GOSR2: variants seen among roughly 807,000 people sequenced by gnomAD.
GOSR2 encodes the protein 27 kDa Golgi SNARE protein.
A neutral mutation model predicts 27.9 loss-of-function variants in GOSR2; 20 were observed. That is an observed-to-expected ratio of 0.72 (90% confidence interval 0.50 to 1.04). The LOEUF is 1.04. Ranked by LOEUF, GOSR2 falls within the 50% of genes least tolerant of loss-of-function variation. The probability of loss-of-function intolerance (pLI) is 0.00; values close to 1 mark genes in which losing one functional copy is unlikely to be tolerated. For synonymous variants in GOSR2, 91 were observed against 98.8 expected, an observed-to-expected ratio of 0.92 and a Z score of 0.47; for missense variants, 261 against 270.5, an observed-to-expected ratio of 0.97 and a Z score of 0.25.
downstream of GOSR2, among the ~76,000 whole-genome samples, chr17:46,946,679 A>G (rs1421886352): frequency 6.6e-6 from 1 of 152,120 alleles, no homozygotes; most frequent in Non-Finnish European, 1.5e-5. Flanking sequence ...CCTGGCCAAC[A>G]TGGTGAAACC....
chr17:46,941,229 T>G lies in GOSR2; in HGVS notation c.*2469T>G. 1 of 995,944 alleles carries G rather than the reference T, an allele frequency of 1.0e-6. No homozygotes were observed. The highest frequency in any genetic ancestry group is 1.2e-6 in the Non-Finnish European group (1 of 834,922). 61.7% of individuals were successfully genotyped at this position (995,944 alleles called of 1,614,324 possible). A position where few individuals can be genotyped will look rare whatever the true frequency, so the allele number is the denominator to read the frequency against. ...GTAAGTTAGAGGAGTCTTGATTTTT[T>G]AGACTTCACTGCGGAGTTCTGTACA... is the stretch of plus-strand genomic sequence containing the variant. On this transcript the variant is annotated 3_prime_UTR_variant, in exon 6 of 6. Coordinates refer to ENST00000640051, the MANE Select transcript of GOSR2 (RefSeq NM_004287.5).
At position 46,938,849 on chromosome 17, in the gene GOSR2, T is replaced by G; in HGVS notation, c.*89T>G. 6.3e-7 allele frequency: 1 copy of G among 1,597,092 alleles called. No individual in the cohort carries two copies. The highest frequency in any genetic ancestry group is 8.5e-7 in the Non-Finnish European group (1 of 1,174,474). ...AGAGAGGGGGGCCCAGAGGCCGCCT[T>G]TTGAAATGTTTGCCTGTCTGAACTG... On this transcript the variant is annotated 3_prime_UTR_variant, in exon 6 of 6. Coordinates refer to ENST00000640051, the MANE Select transcript of GOSR2 (RefSeq NM_004287.5).
intron 6 of GOSR2, among the ~76,000 whole-genome samples, chr17:46,974,747 A>C (rs56037635): frequency 2.2e-5 from 1 of 45,164 alleles, no homozygotes; most frequent in African/African-American, 5.3e-5. Flanking sequence ...AAAAAAAAAA[A>C]AAGGTCATCT....
At position 46,940,862 on chromosome 17, in the gene GOSR2, G is replaced by T; in HGVS notation, c.*2102G>T. 7.0e-7 allele frequency: 1 copy of T among 1,427,776 alleles called. No individual in the cohort carries two copies. The highest frequency in any genetic ancestry group is 9.1e-7 in the Non-Finnish European group (1 of 1,093,214). 88.4% of individuals were successfully genotyped at this position (1,427,776 alleles called of 1,614,324 possible). On this transcript the variant is annotated 3_prime_UTR_variant, in exon 6 of 6. Coordinates refer to ENST00000640051, the MANE Select transcript of GOSR2 (RefSeq NM_004287.5). Reference sequence around the variant, plus strand: ...GTGTGTCTGGACACCCAGGGGCATTGAGACTGCATGTTGTCACATGACCAC... The same window carrying T: ...GTGTGTCTGGACACCCAGGGGCATTTAGACTGCATGTTGTCACATGACCAC...
chr17:46,928,731 A>G (rs770600995), intron 1 of GOSR2, among the ~76,000 whole-genome samples: 11 of 152,166 alleles, frequency 7.2e-5, no homozygotes, highest in Non-Finnish European at 1.6e-4. Flanking sequence ...TCACTTCAGC[A>G]TCCTCTCCCC....
downstream of GOSR2, among the ~76,000 whole-genome samples, chr17:46,945,562 A>G (rs754518546): frequency 1.2e-4 from 18 of 152,162 alleles, no homozygotes; most frequent in Non-Finnish European, 2.2e-4. Flanking sequence ...ACAGAATTGC[A>G]TCTTTGCTGG....
intron 6 of GOSR2, chr17:46,955,411 G>A (rs534413085): frequency 2.6e-5 from 4 of 150,982 alleles, no homozygotes; most frequent in South Asian, 4.2e-4. Context: ...TGCTGGATTC[G>A]GTTTGCCAGT....
intron 1 of GOSR2, among the ~76,000 whole-genome samples, chr17:46,924,091 C>T (rs984779988): frequency 2.6e-5 from 4 of 152,184 alleles, no homozygotes; most frequent in Non-Finnish European, 4.4e-5. Flanking sequence ...ACTTTTTCAT[C>T]ATCCCAGTGT....
chr17:46,955,868 C>T (rs2090672811), intron 6 of GOSR2, among the ~76,000 whole-genome samples: 1 of 152,208 alleles, frequency 6.6e-6, no homozygotes, highest in African/African-American at 2.4e-5. Context: ...ACCCTACCAA[C>T]TGACTCTCCT....
chr17:46,957,236 TG>T (rs1219430515), intron 6 of GOSR2, among the ~76,000 whole-genome samples: 1 of 151,022 alleles, frequency 6.6e-6, no homozygotes, highest in African/African-American at 2.4e-5. Flanking sequence ...GCCCAGGAGG[TG>T]GAGGTTGCAG....
Position 46,940,436 on chromosome 17 carries a change from C to T in GOSR2, c.*1676C>T. ...CTAGATCTGTCTAACTCTGGGGAGG[C>T]ACATTGACATTTCCATTACACACAG... On this transcript the variant is annotated 3_prime_UTR_variant, in exon 6 of 6. Coordinates refer to ENST00000640051, the MANE Select transcript of GOSR2 (RefSeq NM_004287.5). 4.4e-6 allele frequency: 7 copies of T among 1,603,074 alleles called. No homozygotes were observed. The highest frequency in any genetic ancestry group is 5.9e-6 in the Non-Finnish European group (7 of 1,178,300).
In GOSR2 at chr17:46,931,172, C is replaced by G; in HGVS notation, c.168C>G (p.Ser56Arg). The G allele has an allele frequency of 1.2e-6, 2 of 1,604,768 alleles. No individual in the cohort carries two copies. The highest frequency in any genetic ancestry group is 1.7e-6 in the Non-Finnish European group (2 of 1,171,380). The change falls in exon 3 of 6, where the codon AGC becomes AGG. Residue 56 changes from serine (S) to arginine (R), a missense_variant. Coordinates refer to ENST00000640051, the MANE Select transcript of GOSR2 (RefSeq NM_004287.5). ...SRLERLEILS[S>R]KEPPNKRQNA... ...TAGAACGTCTGGAGATTTTGTCCAG[C>G]AAGGAGCCCCCTAACAAAAGGCAAA... is the stretch of plus-strand genomic sequence containing the variant.
chr17:46,929,678 A>G, intron 2 of GOSR2, 94 bp downstream of exon 2: 4 of 749,392 alleles, frequency 5.3e-6, no homozygotes, highest in Non-Finnish European at 9.8e-6. Context: ...TGGGGGCTTA[A>G]TGATTCAGCG....
intron 1 of GOSR2, among the ~76,000 whole-genome samples, chr17:46,927,087 G>T (rs771801017): frequency 3.2e-4 from 48 of 152,242 alleles, no homozygotes; most frequent in Non-Finnish European, 5.7e-4. Flanking sequence ...TAAAATATTT[G>T]TCAGTTTGAT....
chr17:46,965,532 C>A (rs1015301352), intron 6 of GOSR2, among the ~76,000 whole-genome samples: 1 of 152,180 alleles, frequency 6.6e-6, no homozygotes, highest in African/African-American at 2.4e-5. Context: ...TCCCCCTCAA[C>A]GTGACCTAAT....
In GOSR2 at chr17:46,932,407, A is replaced by C. The variant is rs1390120798; in HGVS notation, c.336+208A>C. ...TTTCTAAGACAAAAACCTGAAGAGG[A>C]AGCAGTTAAATTGAAGGGGAATAGG... On this transcript the variant is annotated intron_variant, in intron 4 of 5. Transcript: ENST00000640051. 6 of 623,402 alleles carry C rather than the reference A, an allele frequency of 9.6e-6. No homozygotes were observed. The East Asian group carries it at 1.6e-4, about 17-fold the overall frequency. The allele number at this position is 623,402 out of a possible 1,614,324, so 38.6% of individuals were successfully genotyped here.
chr17:46,974,257 G>C (rs947971592), intron 6 of GOSR2, among the ~76,000 whole-genome samples: 1 of 152,216 alleles, frequency 6.6e-6, no homozygotes, highest in Non-Finnish European at 1.5e-5. Flanking sequence ...CCAGACGCTA[G>C]GTCTGCCATC....
At chr17:46,933,728 T>C (rs2087778622) in intron 4 of GOSR2, 1 of 150,620 alleles carries the variant, frequency 6.6e-6, no homozygotes, top group Admixed American at 6.7e-5. Context: ...ATCCCAGCAC[T>C]TTGGGAGACC....
intron 6 of GOSR2, among the ~76,000 whole-genome samples, chr17:46,973,529 A>G (rs1347559782): frequency 1.3e-5 from 2 of 152,150 alleles, no homozygotes; most frequent in African/African-American, 2.4e-5. Context: ...CTCCTTATCC[A>G]TGGACTGGAG....
Sources: allele counts gnomAD v4.1 joint callset (sites outside exome capture counted in the v4.1 genomes callset), GRCh38; gene constraint gnomAD v4.1.1; transcripts MANE v1.5; gene names NCBI Gene and HGNC (gene_info 2026-07-23, HGNC 2026-07-21).